CDKAL1: variants seen among roughly 807,000 people sequenced by gnomAD.
CDKAL1 encodes the protein CDKAL1 threonylcarbamoyladenosine tRNA methylthiotransferase.
CDKAL1 carries 32 observed loss-of-function variants against 68.2 expected under a neutral mutation model. The observed-to-expected ratio is 0.47, with a 90% confidence interval of 0.35 to 0.63. CDKAL1 has a LOEUF of 0.63. CDKAL1 is among the 30% of genes least tolerant of loss of function. The pLI, the probability that CDKAL1 is intolerant of heterozygous loss-of-function variation, is 0.00. For missense variants in CDKAL1, 606 were observed against 696.7 expected, an observed-to-expected ratio of 0.87 and a Z score of 1.47; for synonymous variants, 234 against 244.3, an observed-to-expected ratio of 0.96 and a Z score of 0.39.
At chr6:20,704,350 T>C (rs1178932728) in intron 5 of CDKAL1, among the ~76,000 whole-genome samples, 1 of 152,162 alleles carries the variant, frequency 6.6e-6, no homozygotes, top group African/African-American at 2.4e-5. Context: ...TAATTTTTTG[T>C]AGCGTAGTCA....
chr6:20,760,786 AT>A (rs1441344929), intron 7 of CDKAL1, among the ~76,000 whole-genome samples: 1 of 152,172 alleles, frequency 6.6e-6, no homozygotes, highest in Non-Finnish European at 1.5e-5. Flanking sequence ...CCACTCAATA[AT>A]TTTTTAAAAA....
At chr6:21,001,735 A>G (rs996518271) in intron 11 of CDKAL1, among the ~76,000 whole-genome samples, 1 of 152,176 alleles carries the variant, frequency 6.6e-6, no homozygotes, top group Non-Finnish European at 1.5e-5. Context: ...CTATTATTGC[A>G]GGCAAATTTG....
intron 15 of CDKAL1, among the ~76,000 whole-genome samples, chr6:21,224,775 G>A (rs1278001454): frequency 6.6e-6 from 1 of 152,142 alleles, no homozygotes. Flanking sequence ...TGTTAAAGTA[G>A]CAATAGAGAA....
At chr6:20,615,742 C>G (rs1360467543) in intron 4 of CDKAL1, among the ~76,000 whole-genome samples, 2 of 138,852 alleles carry the variant, frequency 1.4e-5, no homozygotes, top group African/African-American at 5.2e-5. Flanking sequence ...CCTGTTCACT[C>G]TGATGGTAGT....
In CDKAL1 at chr6:20,559,684, A is replaced by G. The variant is rs189134443; in HGVS notation, c.286+10979A>G. 214 of 152,342 alleles carry G rather than the reference A, an allele frequency of 1.4e-3. 2 individuals are homozygous for G. The highest frequency in any genetic ancestry group is 5.0e-3 in the African/African-American group (208 of 41,574). The allele number at this position is 152,342 out of a possible 1,614,324, so 9.4% of individuals were successfully genotyped here. The stretch of plus-strand genomic sequence containing the variant: ...TGCTATGGAGTGCTGAAGTGTGTTA[A>G]GATGCCTAGTCTTTTCAGAATTACC... On this transcript the variant is annotated intron_variant, in intron 4 of 15. Transcript: ENST00000274695.
chr6:21,223,009 G>A (rs1200496551), intron 15 of CDKAL1, among the ~76,000 whole-genome samples: 1 of 152,044 alleles, frequency 6.6e-6, no homozygotes, highest in African/African-American at 2.4e-5. Flanking sequence ...TTCGCAACGT[G>A]GCTCAGAACT....
chr6:21,110,223 A>T (rs1774053266), intron 13 of CDKAL1, among the ~76,000 whole-genome samples: 1 of 152,182 alleles, frequency 6.6e-6, no homozygotes. Context: ...ACAGTAGTGA[A>T]GGAAAATGGA....
intron 14 of CDKAL1, 26 bp downstream of exon 14, chr6:21,198,130 G>A (rs369526826): frequency 1.4e-6 from 2 of 1,465,552 alleles, no homozygotes; most frequent in Non-Finnish European, 1.9e-6. Flanking sequence ...GTATTCTTGA[G>A]TTTTCTCCAA....
intron 11 of CDKAL1, among the ~76,000 whole-genome samples, chr6:21,039,207 G>A (rs954177284): frequency 1.3e-5 from 2 of 152,092 alleles, no homozygotes; most frequent in East Asian, 1.9e-4. Flanking sequence ...TGTGAACTGC[G>A]CATGTGAGGG....
intron 4 of CDKAL1, among the ~76,000 whole-genome samples, chr6:20,610,626 C>A (rs1249011712): frequency 6.6e-6 from 1 of 152,090 alleles, no homozygotes; most frequent in African/African-American, 2.4e-5. Flanking sequence ...CCAGACTTTC[C>A]CTTCCCTCAC....
Position 20,835,429 on chromosome 6 carries a change from C to T in CDKAL1, c.639-10646C>T, listed in dbSNP as rs185827510. 2.0e-3 allele frequency among the ~76,000 whole-genome samples: 311 copies of T among 152,310 alleles called. 8 individuals carry two copies. The highest frequency in any genetic ancestry group is 0.011 in the Admixed American group (161 of 15,286). On this transcript the variant is annotated intron_variant, in intron 8 of 15. Transcript: ENST00000274695. The stretch of plus-strand genomic sequence containing the variant: ...GAAGAGGTAGGTGCAGACATGAAAT[C>T]TGGCAGTTAATTAGCCTGTGTACTG...
chr6:21,172,182 C>T (rs995059853), intron 13 of CDKAL1, among the ~76,000 whole-genome samples: 5 of 152,134 alleles, frequency 3.3e-5, no homozygotes, highest in Non-Finnish European at 5.9e-5. Context: ...CCCTCACAAT[C>T]GGGGGTATCA....
chr6:20,733,930 C>G (rs1451676970), intron 5 of CDKAL1, among the ~76,000 whole-genome samples: 1 of 151,962 alleles, frequency 6.6e-6, no homozygotes, highest in Non-Finnish European at 1.5e-5. Flanking sequence ...GGGTGGATCC[C>G]TTGAGGTCAG....
chr6:20,645,331 A>G (rs905680028), intron 4 of CDKAL1, among the ~76,000 whole-genome samples: 1 of 152,010 alleles, frequency 6.6e-6, no homozygotes, highest in Non-Finnish European at 1.5e-5. Context: ...TGAACCTTTT[A>G]ATTTTTGAAA....
chr6:20,821,308 G>A (rs545904709), intron 8 of CDKAL1, among the ~76,000 whole-genome samples: 33 of 152,134 alleles, frequency 2.2e-4, no homozygotes, highest in African/African-American at 7.0e-4. Context: ...GGTTGCTCCC[G>A]TGATAGTCTA....
chr6:20,757,656 C>G (rs1169920431), intron 6 of CDKAL1, among the ~76,000 whole-genome samples: 2 of 152,136 alleles, frequency 1.3e-5, no homozygotes, highest in Non-Finnish European at 2.9e-5. Context: ...ATGGTATCTG[C>G]TCATCACACT....
intron 11 of CDKAL1, among the ~76,000 whole-genome samples, chr6:21,033,718 C>G (rs78841275): frequency 6.6e-6 from 1 of 152,196 alleles, no homozygotes; most frequent in Non-Finnish European, 1.5e-5. Flanking sequence ...ACTCGCTTCA[C>G]TATAGACGAT....
intron 4 of CDKAL1, among the ~76,000 whole-genome samples, chr6:20,597,525 A>G (rs1398904942): frequency 6.6e-6 from 1 of 152,060 alleles, no homozygotes; most frequent in Non-Finnish European, 1.5e-5. Flanking sequence ...AGTGATTCTC[A>G]TGCCTCAGCT....
chr6:20,734,863 CTTTTT>C (rs34104100), intron 5 of CDKAL1, among the ~76,000 whole-genome samples: 2 of 87,694 alleles, frequency 2.3e-5, no homozygotes, highest in Non-Finnish European at 4.2e-5. Flanking sequence ...TGCTGCACCT[CTTTTT>C]TTTTTTTTTT....
Sources: gnomAD v4.1 joint callset for allele counts (sites outside exome capture counted in the v4.1 genomes callset) on GRCh38, gnomAD v4.1.1 for gene constraint, MANE v1.5 for transcripts, NCBI Gene and HGNC (gene_info 2026-07-23, HGNC 2026-07-21) for gene names.